The following ETNK1 variants were observed in gnomAD, a reference collection of about 807,000 sequenced individuals.
The protein encoded by ETNK1 is putative protein product of Nbla10396.
Under a neutral mutation model 45.1 loss-of-function variants are expected in ETNK1, and 8 were observed. The ratio of observed to expected loss-of-function variants is 0.18; its 90% CI spans 0.10 to 0.32. ETNK1 has a LOEUF of 0.32. Ranked by LOEUF, ETNK1 falls within the 10% of genes least tolerant of loss-of-function variation. ETNK1 has a pLI of 1.00. For synonymous variants in ETNK1, 152 were observed against 151.9 expected, an observed-to-expected ratio of 1.00 and a Z score of -0.01; for missense variants, 302 against 430.6, an observed-to-expected ratio of 0.70 and a Z score of 2.64.
rs1206849081 is a variant in ETNK1 at position 22,687,683 on chromosome 12, A to G, written c.*2729A>G. 1 of 152,274 alleles carries G rather than the reference A, an allele frequency of 6.6e-6. No homozygotes were observed. The highest frequency in any genetic ancestry group is 2.4e-5 in the African/African-American group (1 of 41,414). 9.4% of individuals were successfully genotyped at this position (152,274 alleles called of 1,614,324 possible). A position where few individuals can be genotyped will look rare whatever the true frequency, so the allele number is the denominator to read the frequency against. ...GTACACACGATCATCTGAGATCAAT[A>G]TGAGCACAAAACTCATCAAGTAGGT... is the stretch of plus-strand genomic sequence containing the variant. On this transcript the variant is annotated 3_prime_UTR_variant, in exon 8 of 8. Coordinates refer to ENST00000266517, the MANE Select transcript of ETNK1 (RefSeq NM_018638.5).
chr12:22,640,382 A>G lies in ETNK1; in HGVS notation c.157-3381A>G, dbSNP rs1953720060. 3.3e-5 allele frequency among the ~76,000 whole-genome samples: 5 copies of G among 151,518 alleles called. No individual in the cohort carries two copies. The South Asian group carries it at 8.3e-4, about 25-fold the overall frequency. On this transcript the variant is annotated intron_variant, in intron 1 of 7. Coordinates refer to ENST00000266517, the MANE Select transcript of ETNK1 (RefSeq NM_018638.5). The stretch of plus-strand genomic sequence containing the variant: ...AGAGTAACGTTGAATGGCATTTCTA[A>G]CTAAATTGAAAGCCTTTTTTTTTTT...
At chr12:22,644,109 G>A in intron 2 of ETNK1, 87 bp downstream of exon 2, 1 of 1,484,216 alleles carries the variant, frequency 6.7e-7, no homozygotes, top group Non-Finnish European at 9.0e-7. Flanking sequence ...GTCTTTGTTT[G>A]AGCAACTATT....
chr12:22,667,622 A>G (rs1167947130), intron 4 of ETNK1, among the ~76,000 whole-genome samples: 2 of 152,184 alleles, frequency 1.3e-5, no homozygotes, highest in Non-Finnish European at 2.9e-5. Context: ...ACATTTTGCT[A>G]ACATTAGTAG....
At chr12:22,649,915 G>A (rs12299625) in intron 2 of ETNK1, among the ~76,000 whole-genome samples, 8,001 of 152,062 alleles carry the variant, frequency 0.053, 697 homozygotes, top group African/African-American at 0.18. Flanking sequence ...CATCTTGGCA[G>A]TATTGAGTCT....
chr12:22,651,682 C>CCTTTTTTTTT (rs1565441627), intron 2 of ETNK1, among the ~76,000 whole-genome samples: 2 of 131,050 alleles, frequency 1.5e-5, no homozygotes, highest in Non-Finnish European at 3.2e-5. Flanking sequence ...AATTCTATCC[C>CCTTTTTTTTT]TTTTTTTTTT....
chr12:22,625,314 C>T lies in ETNK1; in HGVS notation c.-117C>T, dbSNP rs755327624. 6.9e-6 allele frequency: 11 copies of T among 1,602,408 alleles called. No individual in the cohort carries two copies. Among genetic ancestry groups the T allele is most frequent in the Non-Finnish European group, 8.5e-6 (10 of 1,175,708 alleles). ...CGCTCGCCCGCCCGTCCCAGCGCCC[C>T]CAGCCCTCCCGCGAGGGCGCCCCGG... On this transcript the variant is annotated 5_prime_UTR_variant, in exon 1 of 8. Coordinates refer to ENST00000266517, the MANE Select transcript of ETNK1 (RefSeq NM_018638.5).
intron 1 of ETNK1, among the ~76,000 whole-genome samples, chr12:22,631,949 C>T (rs1397187657): frequency 6.6e-6 from 1 of 151,988 alleles, no homozygotes; most frequent in Non-Finnish European, 1.5e-5. Context: ...ATGGATGAAT[C>T]ATAAATTGTT....
intron 1 of ETNK1, among the ~76,000 whole-genome samples, chr12:22,642,692 A>G (rs1366132336): frequency 1.3e-5 from 2 of 152,042 alleles, no homozygotes; most frequent in South Asian, 2.1e-4. Context: ...AGTTAAATGT[A>G]TATACATACT....
At chr12:22,654,888 A>T (rs1184431738) in intron 2 of ETNK1, among the ~76,000 whole-genome samples, 2 of 152,226 alleles carry the variant, frequency 1.3e-5, no homozygotes, top group Non-Finnish European at 1.5e-5. Flanking sequence ...TACATTTTTA[A>T]TAAAAATCAC....
At chr12:22,683,840 G>T (rs1592139233) in intron 6 of ETNK1, among the ~76,000 whole-genome samples, 2 of 152,170 alleles carry the variant, frequency 1.3e-5, no homozygotes, top group South Asian at 2.1e-4. Flanking sequence ...GTGAAATCTT[G>T]TTCAGATTTT....
At chr12:22,634,755 A>T (rs371900905) in intron 1 of ETNK1, among the ~76,000 whole-genome samples, 1 of 151,998 alleles carries the variant, frequency 6.6e-6, no homozygotes, top group East Asian at 1.9e-4. Flanking sequence ...GGATTTCATC[A>T]TGTTGCCCAG....
At chr12:22,632,677 A>T (rs2137517649) in intron 1 of ETNK1, among the ~76,000 whole-genome samples, 1 of 151,946 alleles carries the variant, frequency 6.6e-6, no homozygotes, top group Middle Eastern at 3.4e-3. Context: ...TAATTTTTAA[A>T]TTTTTTGTAG....
chr12:22,644,244 T>G, intron 2 of ETNK1: 1 of 1,608,666 alleles, frequency 6.2e-7, no homozygotes, highest in South Asian at 1.1e-5. Context: ...AAGGAAAAAC[T>G]ACAAGATGTT....
At chr12:22,630,646 T>C (rs1953566259) in intron 1 of ETNK1, among the ~76,000 whole-genome samples, 1 of 152,198 alleles carries the variant, frequency 6.6e-6, no homozygotes, top group Admixed American at 6.5e-5. Flanking sequence ...AGAGTCTCGC[T>C]GTAGCCCAGG....
chr12:22,635,972 A>G (rs1349906599), intron 1 of ETNK1, among the ~76,000 whole-genome samples: 2 of 152,054 alleles, frequency 1.3e-5, no homozygotes, highest in Non-Finnish European at 2.9e-5. Context: ...GATTCCAGGA[A>G]TTCAAGATTA....
At chr12:22,636,199 G>A (rs989508279) in intron 1 of ETNK1, among the ~76,000 whole-genome samples, 1 of 152,020 alleles carries the variant, frequency 6.6e-6, no homozygotes, top group Non-Finnish European at 1.5e-5. Flanking sequence ...CTGTTGTTGA[G>A]TGTAGTGTTC....
chr12:22,674,301 A>C (rs1287023213), intron 6 of ETNK1, among the ~76,000 whole-genome samples: 1 of 152,230 alleles, frequency 6.6e-6, no homozygotes, highest in Admixed American at 6.5e-5. Context: ...TGGAATAATA[A>C]GCCAAAGCTA....
At chr12:22,648,249 G>A (rs931966412) in intron 2 of ETNK1, among the ~76,000 whole-genome samples, 4 of 151,696 alleles carry the variant, frequency 2.6e-5, no homozygotes, top group African/African-American at 9.7e-5. Context: ...TTACATTAGC[G>A]TACACTCTTG....
At chr12:22,636,134 G>C (rs1171599965) in intron 1 of ETNK1, among the ~76,000 whole-genome samples, 1 of 152,162 alleles carries the variant, frequency 6.6e-6, no homozygotes, top group African/African-American at 2.4e-5. Flanking sequence ...CTGCACTGCA[G>C]CCTGGGTGAA....
Sources: gnomAD v4.1 joint callset for allele counts (sites outside exome capture counted in the v4.1 genomes callset) on GRCh38, gnomAD v4.1.1 for gene constraint, MANE v1.5 for transcripts, NCBI Gene and HGNC (gene_info 2026-07-23, HGNC 2026-07-21) for gene names.